Variants in PCDHA4 observed in about 807,000 individuals in gnomAD.
PCDHA4 encodes protocadherin alpha 4.
Under a neutral mutation model 61.4 loss-of-function variants are expected in PCDHA4, and 49 were observed. The ratio of observed to expected loss-of-function variants is 0.80; its 90% CI spans 0.63 to 1.01. The LOEUF (loss-of-function observed/expected upper bound fraction) is 1.01, where lower values mean the gene tolerates loss of function less well. Among genes scored for constraint, PCDHA4 ranks in the 50% least tolerant of loss-of-function variants. The pLI, the probability that PCDHA4 is intolerant of heterozygous loss-of-function variation, is 0.00. For missense variants in PCDHA4, 1,254 were observed against 1,235.8 expected, an observed-to-expected ratio of 1.01 and a Z score of -0.22; for synonymous variants, 590 against 550.3, an observed-to-expected ratio of 1.07 and a Z score of -1.01.
At chr5:140,829,554 C>A in intron 1 of PCDHA4, 7 of 1,612,816 alleles carry the variant, frequency 4.3e-6, no homozygotes, top group Non-Finnish European at 5.9e-6. Context: ...CAGGAGAACG[C>A]GCTGGTGTCC....
chr5:140,896,242 C>T (rs1228427310), intron 1 of PCDHA4, among the ~76,000 whole-genome samples: 2 of 152,154 alleles, frequency 1.3e-5, no homozygotes, highest in Non-Finnish European at 2.9e-5. Flanking sequence ...GACTTATATT[C>T]CTTTGGTTAT....
intron 1 of PCDHA4, chr5:140,853,184 T>G (rs1229624873): frequency 1.0e-6 from 1 of 977,906 alleles, no homozygotes; most frequent in East Asian, 1.1e-4. Context: ...TGGCCTAAAA[T>G]GTGTTCTTTA....
intron 1 of PCDHA4, among the ~76,000 whole-genome samples, chr5:140,931,210 G>A (rs1326851548): frequency 6.6e-6 from 1 of 152,064 alleles, no homozygotes; most frequent in African/African-American, 2.4e-5. Flanking sequence ...TAGTATTTCA[G>A]GTATCAGAGC....
At chr5:140,916,009 C>CA (rs541727470) in intron 1 of PCDHA4, among the ~76,000 whole-genome samples, 78 of 152,190 alleles carry the variant, frequency 5.1e-4, no homozygotes, top group Non-Finnish European at 9.6e-4. Flanking sequence ...AACCACAAGA[C>CA]AAAGTCTTTC....
chr5:140,927,886 G>C, intron 1 of PCDHA4: 1 of 1,614,210 alleles, frequency 6.2e-7, no homozygotes, highest in Non-Finnish European at 8.5e-7. Flanking sequence ...GGAGGTGACT[G>C]ACGTGAACGA....
At chr5:140,870,778 G>GACA (rs2052395482) in intron 1 of PCDHA4, 1 of 1,613,502 alleles carries the variant, frequency 6.2e-7, no homozygotes, top group Non-Finnish European at 8.5e-7. Flanking sequence ...GGACGAGAAC[G>GACA]ACAACGCGCC....
intron 1 of PCDHA4, chr5:140,822,290 A>T: frequency 6.2e-7 from 1 of 1,614,256 alleles, no homozygotes; most frequent in Non-Finnish European, 8.5e-7. Flanking sequence ...TACAGGTTAA[A>T]TCCAAACGAA....
chr5:140,902,413 C>T (rs2069433988), intron 1 of PCDHA4, among the ~76,000 whole-genome samples: 1 of 152,014 alleles, frequency 6.6e-6, no homozygotes, highest in African/African-American at 2.4e-5. Context: ...TGTTGAATAA[C>T]AGTGGTGAAA....
At chr5:140,985,487 A>C (rs1554247112) in intron 3 of PCDHA4, among the ~76,000 whole-genome samples, 1 of 152,162 alleles carries the variant, frequency 6.6e-6, no homozygotes, top group Non-Finnish European at 1.5e-5. Context: ...TCCAGACTCA[A>C]ATAGAGCCTG....
intron 1 of PCDHA4, chr5:140,823,159 T>A: frequency 6.2e-7 from 1 of 1,613,740 alleles, no homozygotes; most frequent in Non-Finnish European, 8.5e-7. Context: ...GTATACCGTG[T>A]TCGTGAAGGA....
At chr5:140,828,123 A>T in intron 1 of PCDHA4, 2 of 1,613,042 alleles carry the variant, frequency 1.2e-6, no homozygotes. Flanking sequence ...AGATTGGGAA[A>T]GCAATGTCTG....
chr5:140,859,865 C>T (rs2046056665), intron 1 of PCDHA4: 1 of 151,972 alleles, frequency 6.6e-6, no homozygotes, highest in African/African-American at 2.4e-5. Context: ...GAAATATATA[C>T]TTCCCCCTCT....
intron 1 of PCDHA4, among the ~76,000 whole-genome samples, chr5:140,941,202 C>CCTTTCTTCCTTCCTTTCTTTCTTTCTTT (rs1394736170): frequency 4.9e-5 from 6 of 122,740 alleles, no homozygotes; most frequent in Admixed American, 1.7e-4. Context: ...TTTCTTTCTT[C>CCTTTCTTCCTTCCTTTCTTTCTTTCTTT]CTTTCTTTCT....
chr5:140,813,626 G>A (rs2126648112), intron 1 of PCDHA4: 21 of 152,262 alleles, frequency 1.4e-4, no homozygotes, highest in African/African-American at 5.1e-4. Context: ...GAATGTGAAG[G>A]CCCAGGACAT....
At chr5:140,862,473 A>G in intron 1 of PCDHA4, 1 of 377,242 alleles carries the variant, frequency 2.7e-6, no homozygotes. Flanking sequence ...GAGCAAATCT[A>G]TCCATTGTTG....
intron 1 of PCDHA4, chr5:140,821,877 C>T (rs2150111547): frequency 1.1e-5 from 18 of 1,614,240 alleles, no homozygotes; most frequent in Non-Finnish European, 1.4e-5. Flanking sequence ...ACTACTCGAT[C>T]CCGGAGGAAG....
rs2150113743 is a variant in PCDHA4, at chr5:140,822,110, C to T, written c.2385+12538C>T. 266 of 1,614,090 alleles carry T rather than the reference C, an allele frequency of 1.6e-4. No individual in the cohort carries two copies. Among genetic ancestry groups the T allele is most frequent in the Non-Finnish European group, 2.2e-4 (256 of 1,180,060 alleles). ...CACCTGGAGGTGATCGTGGACAGGC[C>T]GCTGCAGGTTTTCCATGTGGAGGTG... On this transcript the variant is annotated intron_variant, in intron 1 of 3. Coordinates refer to ENST00000530339, the MANE Select transcript of PCDHA4 (RefSeq NM_018907.4).
intron 1 of PCDHA4, among the ~76,000 whole-genome samples, chr5:140,895,848 G>T (rs147299280): frequency 6.6e-6 from 1 of 151,982 alleles, no homozygotes; most frequent in Non-Finnish European, 1.5e-5. Flanking sequence ...TCTCACTCTT[G>T]TACCCCAGGC....
At chr5:140,837,369 AT>A (rs1376058835) in intron 1 of PCDHA4, among the ~76,000 whole-genome samples, 1 of 151,978 alleles carries the variant, frequency 6.6e-6, no homozygotes, top group Non-Finnish European at 1.5e-5. Context: ...GTTTAATAGT[AT>A]TTTTTATTTT....
Sources: gnomAD v4.1 joint callset for allele counts (sites outside exome capture counted in the v4.1 genomes callset) on GRCh38, gnomAD v4.1.1 for gene constraint, MANE v1.5 for transcripts, NCBI Gene and HGNC (gene_info 2026-07-23, HGNC 2026-07-21) for gene names.